The following ROCK2 variants were observed in gnomAD, a reference collection of about 807,000 sequenced individuals.
ROCK2 encodes the protein rho-associated protein kinase 2.
Under a neutral mutation model 195.1 loss-of-function variants are expected in ROCK2, and 61 were observed. The observed-to-expected ratio is 0.31, with a 90% CI of 0.25 to 0.39. The LOEUF (loss-of-function observed/expected upper bound fraction) is 0.39. Ranked by LOEUF, ROCK2 falls within the 10% of genes least tolerant of loss-of-function variation. The pLI is 1.00. For missense variants in ROCK2, 1,109 were observed against 1,637.4 expected (o/e 0.68, Z 5.57); for synonymous variants, 504 against 545.5 (o/e 0.92, Z 1.06).
At position 11,308,769 on chromosome 2, in the gene ROCK2, A is replaced by C. The variant is rs993410276; in HGVS notation, c.142-21033T>G. ...GAATTCAAACACTACAAGCCTAAAA[A>C]AAGGTTTACCAGCACCAAGTGTTTT... On this transcript the variant is annotated intron_variant, in intron 1 of 32. Coordinates refer to ENST00000315872, the MANE Select transcript of ROCK2 (RefSeq NM_004850.5). 116 of 1,612,786 alleles carry C rather than the reference A, an allele frequency of 7.2e-5. No individual in the cohort carries two copies. In the African/African-American group the frequency reaches 1.3e-3, roughly 19 times the overall value.
chr2:11,295,875 T>C (rs1343563961), intron 1 of ROCK2, among the ~76,000 whole-genome samples: 4 of 151,340 alleles, frequency 2.6e-5, no homozygotes, highest in Non-Finnish European at 5.9e-5. Flanking sequence ...GACAATCACT[T>C]AAACCCAAGA....
chr2:11,269,287 G>A (rs1043860877), intron 3 of ROCK2, among the ~76,000 whole-genome samples: 4 of 152,112 alleles, frequency 2.6e-5, no homozygotes, highest in African/African-American at 7.2e-5. Flanking sequence ...TGAGGCAGGC[G>A]GATCACCTGA....
chr2:11,298,327 G>A (rs1228744254), intron 1 of ROCK2, among the ~76,000 whole-genome samples: 9 of 151,792 alleles, frequency 5.9e-5, no homozygotes, highest in African/African-American at 1.5e-4. Flanking sequence ...AAAATTAGCC[G>A]GGCATGGTGG....
intron 1 of ROCK2, among the ~76,000 whole-genome samples, chr2:11,318,373 G>A (rs561770638): frequency 1.1e-4 from 16 of 152,146 alleles, no homozygotes; most frequent in Non-Finnish European, 1.9e-4. Flanking sequence ...GTGATGATGA[G>A]CATTTTTTCA....
In ROCK2 at chr2:11,192,635, A is replaced by G. The variant is rs1404708595; in HGVS notation, c.3765T>C (p.Tyr1255=). The G allele has an allele frequency of 1.2e-6, 2 of 1,613,980 alleles. No homozygotes were observed. Among genetic ancestry groups the G allele is most frequent in the Admixed American group, 1.7e-5 (1 of 59,990 alleles). Residue 1255 remains tyrosine (Y), a synonymous_variant, in exon 31 of 33, where the codon TAT becomes TAC. Transcript: ENST00000315872. This position sits in a 1 kb window ranked among gnomAD's most constrained non-coding sequence, Gnocchi z 5.0. ...TAAACTCATGTCCCTTGTGGCAAAT[A>G]TAATTAGATTTTTCTCCAACTGGCT... ...PVEPVGEKSN[Y]ICHKGHEFIP...
chr2:11,186,509 A>G (rs751476508), intron 32 of ROCK2, among the ~76,000 whole-genome samples: 1 of 152,216 alleles, frequency 6.6e-6, no homozygotes, highest in Non-Finnish European at 1.5e-5. Flanking sequence ...AACTGAAGAA[A>G]TCTTTCCAAA....
At chr2:11,335,541 A>T (rs1558404284) in intron 1 of ROCK2, among the ~76,000 whole-genome samples, 1 of 152,218 alleles carries the variant, frequency 6.6e-6, no homozygotes, top group Non-Finnish European at 1.5e-5. Context: ...AGTTTTAAGT[A>T]TAGTTGTATA....
intron 18 of ROCK2, among the ~76,000 whole-genome samples, chr2:11,210,453 G>A (rs1664210407): frequency 6.6e-6 from 1 of 151,862 alleles, no homozygotes; most frequent in South Asian, 2.1e-4. Flanking sequence ...GGAATACTGA[G>A]AGTCCTACTC....
At chr2:11,308,541 A>C in intron 1 of ROCK2, 2 of 1,541,858 alleles carry the variant, frequency 1.3e-6, no homozygotes, top group East Asian at 4.5e-5. Flanking sequence ...ATCAGAATTG[A>C]GAAAACTGGT....
At chr2:11,188,417 G>T (rs964242391) in intron 32 of ROCK2, among the ~76,000 whole-genome samples, 1 of 151,654 alleles carries the variant, frequency 6.6e-6, no homozygotes, top group Non-Finnish European at 1.5e-5. Flanking sequence ...GCCCAGACTG[G>T]TATATTTTTA....
intron 4 of ROCK2, among the ~76,000 whole-genome samples, chr2:11,240,254 G>A (rs1249111049): frequency 6.6e-6 from 1 of 152,186 alleles, no homozygotes; most frequent in African/African-American, 2.4e-5. Flanking sequence ...GTCTTTTGTA[G>A]CGGTCAGCCC....
chr2:11,314,047 T>C (rs1340098855), intron 1 of ROCK2, among the ~76,000 whole-genome samples: 1 of 151,882 alleles, frequency 6.6e-6, no homozygotes, highest in South Asian at 2.1e-4. Context: ...AAAAATCCTT[T>C]GGTAGGGGTA....
At position 11,221,224 on chromosome 2, in the gene ROCK2, G is replaced by A. The variant is rs747150116; in HGVS notation, c.1233C>T (p.Ile411=). ...AATTTTCTCTATAGTAGGTAAATCC[G>A]ATGAAAGGCAGCTGATTTCCAACAA... The part of the protein sequence containing the change: ...KAFVGNQLPF[I]GFTYYRENLL... The change falls in exon 9 of 33, where the codon ATC becomes ATT. Residue 411 remains isoleucine (I), a synonymous_variant. Coordinates refer to ENST00000315872, the MANE Select transcript of ROCK2 (RefSeq NM_004850.5). The A allele has an allele frequency of 1.1e-5, 17 of 1,578,052 alleles. No homozygotes were observed. The highest frequency in any genetic ancestry group is 6.8e-5 in the African/African-American group (5 of 73,116).
rs577055622 is a variant in ROCK2, at chr2:11,229,622, CA to C, written c.724-2225del. On this transcript the variant is annotated intron_variant, in intron 5 of 32. Coordinates refer to ENST00000315872, the MANE Select transcript of ROCK2 (RefSeq NM_004850.5). Reference sequence around the variant, plus strand: ...TGTGGGGGGAACTCTAAATGCAACACAAAAAAAAAAAACAAGAAATGAACTT... The same window carrying C: ...TGTGGGGGGAACTCTAAATGCAACACAAAAAAAAAAACAAGAAATGAACTT... Among the ~76,000 whole-genome samples the C allele has an allele frequency of 7.8e-3, 689 of 88,126 alleles. 5 individuals carry two copies. The highest frequency in any genetic ancestry group is 6.1e-3 in the Non-Finnish European group (244 of 39,718). The allele number at this position is 88,126 out of a possible 152,430, so 57.8% of individuals were successfully genotyped here. A position where few individuals can be genotyped will look rare whatever the true frequency, so the allele number is the denominator to read the frequency against.
intron 1 of ROCK2, among the ~76,000 whole-genome samples, chr2:11,318,870 C>T (rs961261095): frequency 3.9e-5 from 6 of 152,172 alleles, no homozygotes; most frequent in Non-Finnish European, 5.9e-5. Flanking sequence ...AATCCCTTCC[C>T]CATTTCTTGT....
At chr2:11,279,451 A>G (rs1666929859) in intron 3 of ROCK2, among the ~76,000 whole-genome samples, 1 of 152,248 alleles carries the variant, frequency 6.6e-6, no homozygotes, top group Admixed American at 6.5e-5. Context: ...TACATAACTG[A>G]TAAAAGGATC....
intron 14 of ROCK2, 21 bp downstream of exon 14, chr2:11,215,488 AT>A: frequency 6.2e-7 from 1 of 1,609,752 alleles, no homozygotes; most frequent in Non-Finnish European, 8.5e-7. Context: ...TTGATGAGTA[AT>A]TAATATTCTA....
chr2:11,185,067 C>T (rs1366182598), intron 32 of ROCK2, among the ~76,000 whole-genome samples: 1 of 152,174 alleles, frequency 6.6e-6, no homozygotes, highest in African/African-American at 2.4e-5. Context: ...CAGATAAACA[C>T]ATAACCATCC....
At chr2:11,312,286 T>C (rs1668060327) in intron 1 of ROCK2, among the ~76,000 whole-genome samples, 1 of 152,156 alleles carries the variant, frequency 6.6e-6, no homozygotes, top group Non-Finnish European at 1.5e-5. Flanking sequence ...AAGGTAAAAC[T>C]GACGTACAAT....
Sources: allele counts gnomAD v4.1 joint callset (sites outside exome capture counted in the v4.1 genomes callset), GRCh38; gene constraint gnomAD v4.1.1; non-coding constraint Gnocchi (gnomAD v3.1); transcripts MANE v1.5; gene names NCBI Gene and HGNC (gene_info 2026-07-23, HGNC 2026-07-21).